The following DHFR2 variants were observed in gnomAD, a reference collection of about 807,000 sequenced individuals.
DHFR2 encodes the protein dihydrofolate reductase 2, mitochondrial.
In DHFR2, 11 loss-of-function variants were observed where a neutral mutation model predicts 12.0. That is an observed-to-expected ratio of 0.92 (90% CI 0.58 to 1.52). The LOEUF is 1.52. Ranked by LOEUF, DHFR2 falls within the 40% of genes most tolerant of loss-of-function variation. The probability of loss-of-function intolerance (pLI) is 0.00; values close to 1 mark genes in which losing one functional copy is unlikely to be tolerated. For synonymous variants in DHFR2, 87 were observed against 79.6 expected, an observed-to-expected ratio of 1.09 and a Z score of -0.49; for missense variants, 188 against 221.2, an observed-to-expected ratio of 0.85 and a Z score of 0.95.
intron 1 of DHFR2, among the ~76,000 whole-genome samples, chr3:94,061,849 A>G (rs1286490237): frequency 6.6e-6 from 1 of 151,964 alleles, no homozygotes; most frequent in Non-Finnish European, 1.5e-5. Context: ...AGTCTTTTGT[A>G]CCAAATCTAA....
chr3:94,062,987 C>T (rs924120398), upstream of DHFR2: 3 of 904,064 alleles, frequency 3.3e-6, no homozygotes, highest in Non-Finnish European at 5.4e-6. Context: ...ATCAGTATCT[C>T]GCGAGAAATT....
rs897269727 is a variant in DHFR2, at chr3:94,062,907, G to A, written c.-257C>T. The A allele has an allele frequency of 5.4e-6, 3 of 560,544 alleles. No individual in the cohort carries two copies. Among genetic ancestry groups the A allele is most frequent in the Non-Finnish European group, 9.7e-6 (3 of 310,716 alleles). 34.7% of individuals were successfully genotyped at this position (560,544 alleles called of 1,614,324 possible). A position where few individuals can be genotyped will look rare whatever the true frequency, so the allele number is the denominator to read the frequency against. On this transcript the variant is annotated 5_prime_UTR_variant, in exon 1 of 2. Coordinates refer to ENST00000314636, the MANE Select transcript of DHFR2 (RefSeq NM_176815.5). ...GAAGTATCAGCCTTTACCAGCTACC[G>A]GAAGTAACTGCGCACGAAATCTCCC...
chr3:94,060,763 C>G lies in DHFR2; in HGVS notation c.*185G>C, dbSNP rs992053959. Reference sequence around the variant, plus strand: ...GGACTCAGTCGGGGTCTTGGAGAGACAGTTATAGCAAGAATGTTTCATAAA... The same window carrying G: ...GGACTCAGTCGGGGTCTTGGAGAGAGAGTTATAGCAAGAATGTTTCATAAA... On this transcript the variant is annotated 3_prime_UTR_variant, in exon 2 of 2. Coordinates refer to ENST00000314636, the MANE Select transcript of DHFR2 (RefSeq NM_176815.5). The G allele has an allele frequency of 1.4e-6, 1 of 710,154 alleles. No homozygotes were observed. Among genetic ancestry groups the G allele is most frequent in the Middle Eastern group, 4.1e-4 (1 of 2,458 alleles). 44.0% of individuals were successfully genotyped at this position (710,154 alleles called of 1,614,324 possible).
chr3:94,061,237 C>G lies in DHFR2; in HGVS notation c.275G>C (p.Arg92Thr), dbSNP rs752530039. 1 of 1,613,630 alleles carries G rather than the reference C, an allele frequency of 6.2e-7. No individual in the cohort carries two copies. The highest frequency in any genetic ancestry group is 8.5e-7 in the Non-Finnish European group (1 of 1,179,628). ...EPPQGAHFLA[R>T]SLDDALKLTE... is the part of the protein sequence containing the mutation. ...AAGTTTTAAGGCATCATCCAAACTT[C>G]TGGCAAGAAAATGAGCTCCTTGTGG... Residue 92 changes from arginine (R) to threonine (T), a missense_variant, in exon 2 of 2, where the codon AGA becomes ACA. Physicochemically the swap from Arg to Thr is moderately conservative, Grantham distance 71. Coordinates refer to ENST00000314636, the MANE Select transcript of DHFR2 (RefSeq NM_176815.5).
At position 94,061,199 on chromosome 3, in the gene DHFR2, C is replaced by T. The variant is rs1316205272; in HGVS notation, c.313G>A (p.Glu105Lys). 6.2e-7 allele frequency: 1 copy of T among 1,613,984 alleles called. No individual in the cohort carries two copies. Among genetic ancestry groups the T allele is most frequent in the South Asian group, 1.1e-5 (1 of 91,072 alleles). The part of the protein sequence containing the change: ...DDALKLTERP[E>K]LANKVDMIWI... ...ATCATGTCTACTTTATTTGCTAATTCTGGTCGTTCAGTAAGTTTTAAGGCA... is the reference window on the plus strand; with the variant it reads ...ATCATGTCTACTTTATTTGCTAATTTTGGTCGTTCAGTAAGTTTTAAGGCA... The change falls in exon 2 of 2, where the codon GAA becomes AAA. Residue 105 changes from glutamate to lysine, a missense_variant. Coordinates refer to ENST00000314636, the MANE Select transcript of DHFR2 (RefSeq NM_176815.5).
rs764245922 is a variant in DHFR2 at position 94,060,915 on chromosome 3, G to C, written c.*33C>G. Reference sequence around the variant, plus strand: ...AAATGCATACTTTTCTCAGAGGGAGGGGGAACAACTTAAACCAGAAAACAC... The same window carrying C: ...AAATGCATACTTTTCTCAGAGGGAGCGGGAACAACTTAAACCAGAAAACAC... On this transcript the variant is annotated 3_prime_UTR_variant, in exon 2 of 2. Coordinates refer to ENST00000314636, the MANE Select transcript of DHFR2 (RefSeq NM_176815.5). 1.4e-4 allele frequency: 222 copies of C among 1,601,354 alleles called. No individual in the cohort carries two copies. Among genetic ancestry groups the C allele is most frequent in the Non-Finnish European group, 1.8e-4 (216 of 1,173,092 alleles).
chr3:94,062,907 G>C lies in DHFR2; in HGVS notation c.-257C>G, dbSNP rs897269727. ...GAAGTATCAGCCTTTACCAGCTACC[G>C]GAAGTAACTGCGCACGAAATCTCCC... On this transcript the variant is annotated 5_prime_UTR_variant, in exon 1 of 2. Coordinates refer to ENST00000314636, the MANE Select transcript of DHFR2 (RefSeq NM_176815.5). The C allele has an allele frequency of 1.4e-5, 8 of 560,662 alleles. No homozygotes were observed. Among genetic ancestry groups the C allele is most frequent in the South Asian group, 1.2e-4 (5 of 43,204 alleles). The allele number at this position is 560,662 out of a possible 1,614,324, so 34.7% of individuals were successfully genotyped here.
At position 94,061,004 on chromosome 3, in the gene DHFR2, C is replaced by T. The variant is rs772533722; in HGVS notation, c.508G>A (p.Val170Ile). The T allele has an allele frequency of 1.2e-5, 19 of 1,613,812 alleles. No individual in the cohort carries two copies. The Admixed American group carries it at 3.2e-4, about 27-fold the overall frequency. The change falls in exon 2 of 2, where the codon GTC becomes ATC. Residue 170 changes from valine to isoleucine, a missense_variant. Val to Ile is a conservative substitution (Grantham distance 29). Coordinates refer to ENST00000314636, the MANE Select transcript of DHFR2 (RefSeq NM_176815.5). ...LPEYPGVLSD[V>I]QEGKHIKYKF... ...TACTTGATGTGTTTCCCCTCCTGGA[C>T]ATCAGAGAGAACACCTGGGTATTCA...
In DHFR2 at chr3:94,059,648, C is replaced by T. The variant is rs759676288; in HGVS notation, c.*1300G>A. On this transcript the variant is annotated 3_prime_UTR_variant, in exon 2 of 2. Transcript: ENST00000314636. ...TCACAATTTCTTACCACATGCAATC[C>T]TTTGGTTCAAACTACCATCATCCCT... 1 of 152,190 alleles carries T rather than the reference C, an allele frequency of 6.6e-6. No homozygotes were observed. Among genetic ancestry groups the T allele is most frequent in the African/African-American group, 2.4e-5 (1 of 41,450 alleles). 9.4% of individuals were successfully genotyped at this position (152,190 alleles called of 1,614,324 possible). A position where few individuals can be genotyped will look rare whatever the true frequency, so the allele number is the denominator to read the frequency against.
chr3:94,061,032 C>T lies in DHFR2; in HGVS notation c.480G>A (p.Leu160=), dbSNP rs1394875891. Reference sequence around the variant, plus strand: ...CAGAGAGAACACCTGGGTATTCAGGCAGAAGTTTATATTTCTCCAAGTCAA... The same window carrying T: ...CAGAGAGAACACCTGGGTATTCAGGTAGAAGTTTATATTTCTCCAAGTCAA... ...SEIDLEKYKL[L]PEYPGVLSDV... is the part of the protein sequence containing the mutation. The change falls in exon 2 of 2, where the codon CTG becomes CTA. Residue 160 remains leucine, a synonymous_variant. Transcript: ENST00000314636. The T allele has an allele frequency of 6.2e-6, 10 of 1,613,764 alleles. No homozygotes were observed. Among genetic ancestry groups the T allele is most frequent in the Non-Finnish European group, 8.5e-6 (10 of 1,179,858 alleles).
At position 94,062,874 on chromosome 3, in the gene DHFR2, C is replaced by T; in HGVS notation, c.-224G>A. 1 of 502,490 alleles carries T rather than the reference C, an allele frequency of 2.0e-6. No homozygotes were observed. Among genetic ancestry groups the T allele is most frequent in the Non-Finnish European group, 3.6e-6 (1 of 277,332 alleles). The allele number at this position is 502,490 out of a possible 1,614,324, so 31.1% of individuals were successfully genotyped here. A position where few individuals can be genotyped will look rare whatever the true frequency, so the allele number is the denominator to read the frequency against. The stretch of plus-strand genomic sequence containing the variant: ...CTTTGGCCCTGGCCCGTTACCTCCG[C>T]GTCCTGGGAAGTATCAGCCTTTACC... On this transcript the variant is annotated 5_prime_UTR_variant, in exon 1 of 2. Transcript: ENST00000314636.
intron 1 of DHFR2, 71 bp from the exon 2 acceptor site, chr3:94,061,677 T>G (rs1214095656): frequency 2.5e-6 from 2 of 813,516 alleles, no homozygotes; most frequent in East Asian, 1.3e-4. Context: ...AAAAATAAAT[T>G]ATATAAAATA....
chr3:94,061,540 G>A lies in DHFR2; in HGVS notation c.-29C>T. The A allele has an allele frequency of 6.2e-7, 1 of 1,612,582 alleles. No individual in the cohort carries two copies. The highest frequency in any genetic ancestry group is 8.5e-7 in the Non-Finnish European group (1 of 1,179,152). On this transcript the variant is annotated 5_prime_UTR_variant, in exon 2 of 2. Transcript: ENST00000314636. ...AGCAGCGGTTAACACCTCCGAACTT[G>A]CTGGCTACGCCAGGAAGCCAGGCCA... is the stretch of plus-strand genomic sequence containing the variant.
chr3:94,060,812 A>T lies in DHFR2; in HGVS notation c.*136T>A. ...AATGGTATCTGATATAGCCAAGATT[A>T]GTGAGGAATAAAAACACGTTGCTTA... On this transcript the variant is annotated 3_prime_UTR_variant, in exon 2 of 2. Coordinates refer to ENST00000314636, the MANE Select transcript of DHFR2 (RefSeq NM_176815.5). 1.0e-6 allele frequency: 1 copy of T among 973,158 alleles called. No individual in the cohort carries two copies. Among genetic ancestry groups the T allele is most frequent in the Non-Finnish European group, 1.5e-6 (1 of 667,204 alleles). 60.3% of individuals were successfully genotyped at this position (973,158 alleles called of 1,614,324 possible). A position where few individuals can be genotyped will look rare whatever the true frequency, so the allele number is the denominator to read the frequency against.
chr3:94,057,958 A>G lies in DHFR2; in HGVS notation c.*2990T>C, dbSNP rs564663511. 6.6e-6 allele frequency: 1 copy of G among 152,250 alleles called. No individual in the cohort carries two copies. Among genetic ancestry groups the G allele is most frequent in the African/African-American group, 2.4e-5 (1 of 41,592 alleles). The allele number at this position is 152,250 out of a possible 1,614,324, so 9.4% of individuals were successfully genotyped here. A position where few individuals can be genotyped will look rare whatever the true frequency, so the allele number is the denominator to read the frequency against. ...AGTTGTTTATTTAAAATCAGAAAAT[A>G]TAAAGATGCTGAGTCCCAAAAATGT... On this transcript the variant is annotated 3_prime_UTR_variant, in exon 2 of 2. Transcript: ENST00000314636.
Position 94,060,898 on chromosome 3 carries a change from A to G in DHFR2, c.*50T>C, listed in dbSNP as rs2107226206. 3 of 1,575,254 alleles carry G rather than the reference A, an allele frequency of 1.9e-6. No homozygotes were observed. The African/African-American group carries it at 4.1e-5, about 21-fold the overall frequency. On this transcript the variant is annotated 3_prime_UTR_variant, in exon 2 of 2. Coordinates refer to ENST00000314636, the MANE Select transcript of DHFR2 (RefSeq NM_176815.5). ...TCCCTTTTCTAATGTAAAAATGCATACTTTTCTCAGAGGGAGGGGGAACAA... is the reference window on the plus strand; with the variant it reads ...TCCCTTTTCTAATGTAAAAATGCATGCTTTTCTCAGAGGGAGGGGGAACAA...
upstream of DHFR2, chr3:94,063,145 C>A (rs758321795): frequency 7.4e-6 from 12 of 1,613,830 alleles, no homozygotes; most frequent in Non-Finnish European, 1.0e-5. Flanking sequence ...CCAGGTGAGA[C>A]CTGGGGCCCG....
Position 94,059,039 on chromosome 3 carries a change from G to A in DHFR2, c.*1909C>T, listed in dbSNP as rs527251743. ...CCACGTCATTCTCTGGTTTGTGTAC[G>A]CCTTCATTTTGCTGGAGTATTTTCT... On this transcript the variant is annotated 3_prime_UTR_variant, in exon 2 of 2. Transcript: ENST00000314636. 1 of 152,386 alleles carries A rather than the reference G, an allele frequency of 6.6e-6. No individual in the cohort carries two copies. The highest frequency in any genetic ancestry group is 1.9e-4 in the East Asian group (1 of 5,182). 9.4% of individuals were successfully genotyped at this position (152,386 alleles called of 1,614,324 possible).
chr3:94,061,642 T>C, intron 1 of DHFR2, 36 bp from the exon 2 acceptor site: 1 of 1,406,908 alleles, frequency 7.1e-7, no homozygotes, highest in Non-Finnish European at 9.3e-7. Flanking sequence ...TATTAATTAA[T>C]TGCAACATTC....
Sources: allele counts gnomAD v4.1 joint callset (sites outside exome capture counted in the v4.1 genomes callset), GRCh38; gene constraint gnomAD v4.1.1; transcripts MANE v1.5; gene names NCBI Gene and HGNC (gene_info 2026-07-23, HGNC 2026-07-21).